Variants in DNAH9 observed in about 807,000 individuals in gnomAD.
DNAH9 encodes the protein dynein axonemal heavy chain 9.
In DNAH9, 345 loss-of-function variants were observed where a neutral mutation model predicts 471.6. The ratio of observed to expected loss-of-function variants is 0.73; its 90% confidence interval spans 0.67 to 0.80. The LOEUF (loss-of-function observed/expected upper bound fraction) is 0.80. DNAH9 is among the 30% of genes least tolerant of loss of function. DNAH9 has a pLI of 0.00. For synonymous variants in DNAH9, 2,093 were observed against 2,123.6 expected (o/e 0.99, Z 0.40); for missense variants, 5,407 against 5,609.2 (o/e 0.96, Z 1.15).
chr17:11,670,894 G>C (rs2073962192), intron 17 of DNAH9, among the ~76,000 whole-genome samples: 1 of 152,138 alleles, frequency 6.6e-6, no homozygotes, highest in Non-Finnish European at 1.5e-5. Flanking sequence ...GTGGAGACAG[G>C]GTTTCTCCAT....
intron 28 of DNAH9, among the ~76,000 whole-genome samples, chr17:11,729,589 A>G (rs1246558338): frequency 1.3e-5 from 2 of 152,230 alleles, no homozygotes; most frequent in East Asian, 3.8e-4. Context: ...TCAGGTCCAG[A>G]CAAAGGAATA....
At chr17:11,762,766 T>TTTTTTTG (rs777342371) in intron 35 of DNAH9, among the ~76,000 whole-genome samples, 2 of 87,238 alleles carry the variant, frequency 2.3e-5, no homozygotes, top group African/African-American at 4.1e-5. Context: ...GCGTTTTTTT[T>TTTTTTTG]TTTGTTTTTT....
chr17:11,929,741 C>T lies in DNAH9; in HGVS notation c.11878-125C>T, dbSNP rs1313980523. On this transcript the variant is annotated intron_variant, in intron 62 of 68. Coordinates refer to ENST00000262442, the MANE Select transcript of DNAH9 (RefSeq NM_001372.4). The stretch of plus-strand genomic sequence containing the variant: ...GTAAATTTTCTGTTACGTCTTACCA[C>T]AATTTTTAAAAATTATGTGATGCTA... 4 of 792,630 alleles carry T rather than the reference C, an allele frequency of 5.0e-6. No individual in the cohort carries two copies. In the East Asian group the frequency reaches 8.1e-5, roughly 16 times the overall value. 49.1% of individuals were successfully genotyped at this position (792,630 alleles called of 1,614,324 possible). A position where few individuals can be genotyped will look rare whatever the true frequency, so the allele number is the denominator to read the frequency against.
chr17:11,679,587 G>A (rs567776851), intron 17 of DNAH9, among the ~76,000 whole-genome samples, 170 bp from the exon 18 acceptor site: 73 of 152,302 alleles, frequency 4.8e-4, no homozygotes, highest in Non-Finnish European at 8.8e-4. Context: ...CCTTGTGCAA[G>A]AGGCCATATT....
chr17:11,768,217 T>C (rs1049004265), intron 36 of DNAH9, among the ~76,000 whole-genome samples: 1 of 152,170 alleles, frequency 6.6e-6, no homozygotes, highest in African/African-American at 2.4e-5. Flanking sequence ...AGGACCAGGC[T>C]GGCTCAGCCG....
At chr17:11,955,586 G>A (rs1281296534) in intron 67 of DNAH9, among the ~76,000 whole-genome samples, 1 of 152,164 alleles carries the variant, frequency 6.6e-6, no homozygotes, top group African/African-American at 2.4e-5. Context: ...ATGAGTTTCA[G>A]CATATGATTG....
At chr17:11,900,473 G>T in intron 59 of DNAH9, among the ~76,000 whole-genome samples, 1 of 139,254 alleles carries the variant, frequency 7.2e-6, no homozygotes. Context: ...CCCTCCTCCA[G>T]GCTTTAGCTC....
At chr17:11,639,842 A>C (rs1035774665) in intron 9 of DNAH9, among the ~76,000 whole-genome samples, 5 of 152,156 alleles carry the variant, frequency 3.3e-5, no homozygotes, top group Non-Finnish European at 5.9e-5. Flanking sequence ...TCTCTACTAC[A>C]AATACGAAAA....
chr17:11,747,520 G>A, intron 31 of DNAH9, 36 bp from the exon 32 acceptor site: 1 of 1,575,864 alleles, frequency 6.3e-7, no homozygotes, highest in Non-Finnish European at 8.7e-7. Context: ...GTGAGTCACA[G>A]GCTGGTCCCT....
intron 31 of DNAH9, 24 bp downstream of exon 31, chr17:11,745,108 G>T (rs1347608088): frequency 6.3e-7 from 1 of 1,589,070 alleles, no homozygotes; most frequent in Non-Finnish European, 8.6e-7. Context: ...TTCCTCCCAG[G>T]ATTTCTCTAT....
chr17:11,672,638 C>T (rs999281787), intron 17 of DNAH9, among the ~76,000 whole-genome samples: 1 of 152,132 alleles, frequency 6.6e-6, no homozygotes, highest in Non-Finnish European at 1.5e-5. Context: ...TTTCCCTTCC[C>T]ACCCTTCCCA....
chr17:11,839,846 T>C (rs1006373297), intron 49 of DNAH9, among the ~76,000 whole-genome samples: 15 of 152,238 alleles, frequency 9.9e-5, no homozygotes, highest in African/African-American at 3.6e-4. Context: ...CACATAGTTA[T>C]ATTTATGTAT....
intron 15 of DNAH9, among the ~76,000 whole-genome samples, chr17:11,668,231 G>T (rs1645258176): frequency 6.6e-6 from 1 of 152,140 alleles, no homozygotes; most frequent in Admixed American, 6.5e-5. Flanking sequence ...AGCAGAATAG[G>T]CAGAATTGTA....
intron 60 of DNAH9, among the ~76,000 whole-genome samples, chr17:11,903,333 A>G (rs9891342): frequency 0.75 from 113,943 of 151,662 alleles, 45,392 homozygotes; most frequent in Non-Finnish European, 0.89. Flanking sequence ...GTGAGACTTC[A>G]TCTCAAAAGA....
chr17:11,864,974 C>T (rs1186556887), intron 50 of DNAH9, among the ~76,000 whole-genome samples: 3 of 152,180 alleles, frequency 2.0e-5, no homozygotes, highest in Admixed American at 1.3e-4. Context: ...GACTCTTTAT[C>T]CAATTTGCCA....
intron 62 of DNAH9, among the ~76,000 whole-genome samples, chr17:11,929,542 A>G (rs896011250): frequency 2.0e-5 from 3 of 152,228 alleles, no homozygotes; most frequent in African/African-American, 7.2e-5. Flanking sequence ...GCCTTAGGAT[A>G]GCAAGAGATA....
chr17:11,652,751 T>TG lies in DNAH9; in HGVS notation c.2354-6dup. The TG allele has an allele frequency of 6.2e-7, 1 of 1,610,864 alleles. No homozygotes were observed. Among genetic ancestry groups the TG allele is most frequent in the Non-Finnish European group, 8.5e-7 (1 of 1,178,568 alleles). On this transcript the variant is annotated splice_polypyrimidine_tract_variant and intron_variant, in intron 13 of 68. Transcript: ENST00000262442. ...CTATTTCAATTAATTATGTTTCTTT[T>TG]GGGGAACAGGCATTTGCGATTATGT...
chr17:11,716,547 G>A (rs2150797306), intron 26 of DNAH9, among the ~76,000 whole-genome samples: 1 of 152,232 alleles, frequency 6.6e-6, no homozygotes, highest in Admixed American at 6.5e-5. Context: ...GTTCTTGTGA[G>A]GGGAAGACAA....
At position 11,822,559 on chromosome 17, in the gene DNAH9, C is replaced by G; in HGVS notation, c.8972C>G (p.Ser2991Cys). 1 of 1,614,200 alleles carries G rather than the reference C, an allele frequency of 6.2e-7. No individual in the cohort carries two copies. Among genetic ancestry groups the G allele is most frequent in the Non-Finnish European group, 8.5e-7 (1 of 1,180,040 alleles). Residue 2991 changes from serine (S) to cysteine (C), a missense_variant, in exon 47 of 69, where the codon TCT (serine) becomes TGT (cysteine). Transcript: ENST00000262442. ...FHEWPQQALE[S>C]VSLRFLQNTE... is the part of the protein sequence containing the mutation. Reference sequence around the variant, plus strand: ...GAGTGGCCTCAGCAAGCATTGGAGTCTGTCAGCCTCCGCTTCTTGCAGAAC... The same window carrying G: ...GAGTGGCCTCAGCAAGCATTGGAGTGTGTCAGCCTCCGCTTCTTGCAGAAC...
Sources: gnomAD v4.1 joint callset for allele counts (sites outside exome capture counted in the v4.1 genomes callset) on GRCh38, gnomAD v4.1.1 for gene constraint, MANE v1.5 for transcripts, NCBI Gene and HGNC (gene_info 2026-07-23, HGNC 2026-07-21) for gene names.